Variants in SLC38A6 observed in about 807,000 individuals in gnomAD.
The protein encoded by SLC38A6 is solute carrier family 38 member 6.
In SLC38A6, 73 loss-of-function variants were observed where a neutral mutation model predicts 65.0. That is an observed-to-expected ratio of 1.12 (90% CI 0.93 to 1.37). The LOEUF (loss-of-function observed/expected upper bound fraction) is 1.37, where lower values mean the gene tolerates loss of function less well. Among genes scored for constraint, SLC38A6 ranks in the 40% most tolerant of loss-of-function variants. The pLI is 0.00. For missense variants in SLC38A6, 561 were observed against 531.1 expected, an observed-to-expected ratio of 1.06 and a Z score of -0.55; for synonymous variants, 183 against 178.8, an observed-to-expected ratio of 1.02 and a Z score of -0.19.
At position 61,065,353 on chromosome 14, in the gene SLC38A6, T is replaced by G. The variant is rs558376822; in HGVS notation, c.1290+13218T>G. On this transcript the variant is annotated intron_variant, in intron 15 of 16. Transcript: ENST00000354886. ...TTTAAACTTCAGCTTAGTATACTGG[T>G]AAATCCATCAGTGGAAAAGCAGAAA... Among the ~76,000 whole-genome samples, 4 of 152,334 alleles carry G rather than the reference T, an allele frequency of 2.6e-5. No individual in the cohort carries two copies. The East Asian group carries it at 7.7e-4, about 29-fold the overall frequency.
chr14:61,023,121 T>G (rs1476107528), intron 5 of SLC38A6, among the ~76,000 whole-genome samples: 3 of 152,094 alleles, frequency 2.0e-5, no homozygotes, highest in African/African-American at 7.2e-5. Context: ...AAGCCTAAGA[T>G]TTTGCCTCAA....
chr14:60,984,927 C>T (rs951576777), intron 3 of SLC38A6, 124 bp downstream of exon 3: 4 of 900,074 alleles, frequency 4.4e-6, no homozygotes, highest in African/African-American at 1.7e-5. Flanking sequence ...ATAGGGTGAT[C>T]GGAATGGAGA....
intron 3 of SLC38A6, among the ~76,000 whole-genome samples, chr14:61,014,204 G>T (rs984034279): frequency 6.6e-6 from 1 of 152,100 alleles, no homozygotes; most frequent in Non-Finnish European, 1.5e-5. Flanking sequence ...CATTCATCAC[G>T]TAGTTCTCGT....
At chr14:61,067,251 A>C (rs2043050524) in intron 15 of SLC38A6, among the ~76,000 whole-genome samples, 1 of 152,154 alleles carries the variant, frequency 6.6e-6, no homozygotes, top group South Asian at 2.1e-4. Context: ...TTTTCTCTCA[A>C]CCAGAGGAAA....
chr14:61,074,992 T>C (rs1397051183), intron 15 of SLC38A6, among the ~76,000 whole-genome samples: 1 of 152,166 alleles, frequency 6.6e-6, no homozygotes, highest in Admixed American at 6.5e-5. Context: ...TATGTGAATT[T>C]CACCTCAATC....
rs187820954 is a variant in SLC38A6, at chr14:61,005,202, A to G, written c.311-10702A>G. On this transcript the variant is annotated intron_variant, in intron 3 of 15. Transcript: ENST00000267488. ...TATCTCCAAATTAGAAGAGCTATCT[A>G]TGACAAACCCACAGCCAATATCATA... Among the ~76,000 whole-genome samples, 8 of 152,264 alleles carry G rather than the reference A, an allele frequency of 5.3e-5. No homozygotes were observed. In the East Asian group the frequency reaches 1.3e-3, roughly 26 times the overall value.
intron 3 of SLC38A6, among the ~76,000 whole-genome samples, chr14:60,989,054 G>A (rs373792990): frequency 2.0e-5 from 3 of 152,044 alleles, no homozygotes; most frequent in South Asian, 2.1e-4. Flanking sequence ...TCAAACCTTC[G>A]ACACTTTTTT....
chr14:61,049,434 A>G (rs1284569519), intron 12 of SLC38A6, among the ~76,000 whole-genome samples: 1 of 152,118 alleles, frequency 6.6e-6, no homozygotes, highest in East Asian at 1.9e-4. Context: ...GACTCATGTA[A>G]TGTTCTCAGT....
At chr14:61,049,091 C>T (rs138434181) in intron 12 of SLC38A6, among the ~76,000 whole-genome samples, 1 of 152,238 alleles carries the variant, frequency 6.6e-6, no homozygotes, top group African/African-American at 2.4e-5. Context: ...CTTTACCTCT[C>T]AGTGATTGTA....
At chr14:61,031,773 A>G (rs1428311860) in intron 6 of SLC38A6, among the ~76,000 whole-genome samples, 1 of 151,934 alleles carries the variant, frequency 6.6e-6, no homozygotes, top group Non-Finnish European at 1.5e-5. Context: ...CTCAAATTCT[A>G]TGTGAGAAAT....
intron 14 of SLC38A6, 40 bp downstream of exon 14, chr14:61,051,971 A>G: frequency 1.2e-6 from 2 of 1,602,402 alleles, no homozygotes; most frequent in Non-Finnish European, 1.7e-6. Context: ...AATAAAATTG[A>G]TAAAATTGCT....
At chr14:61,029,880 A>G (rs1433663111) in intron 5 of SLC38A6, among the ~76,000 whole-genome samples, 4 of 152,144 alleles carry the variant, frequency 2.6e-5, no homozygotes, top group Non-Finnish European at 5.9e-5. Flanking sequence ...GTAATTCATT[A>G]TGTATTCTTT....
intron 15 of SLC38A6, among the ~76,000 whole-genome samples, chr14:61,072,518 C>G (rs1456269294): frequency 1.3e-5 from 2 of 152,146 alleles, no homozygotes; most frequent in Admixed American, 6.5e-5. Context: ...TCACCCTGCC[C>G]CTACTACCCC....
chr14:61,039,062 C>G lies in SLC38A6; in HGVS notation c.624+1379C>G, dbSNP rs1011276713. On this transcript the variant is annotated intron_variant, in intron 8 of 15. Transcript: ENST00000267488. ...TTTCTCTCACAGATAATTGGCAATGCAATCATTGCATAGATAGGAGTAATT... is the reference window on the plus strand; with the variant it reads ...TTTCTCTCACAGATAATTGGCAATGGAATCATTGCATAGATAGGAGTAATT... Among the ~76,000 whole-genome samples, 7 of 152,152 alleles carry G rather than the reference C, an allele frequency of 4.6e-5. 1 individual carries two copies. Among genetic ancestry groups the G allele is most frequent in the Admixed American group, 2.0e-4 (3 of 15,280 alleles).
chr14:61,068,406 C>T (rs2043104583), intron 15 of SLC38A6, among the ~76,000 whole-genome samples: 1 of 152,140 alleles, frequency 6.6e-6, no homozygotes, highest in African/African-American at 2.4e-5. Flanking sequence ...CATGCCATGG[C>T]CTACAAGGCT....
intron 2 of SLC38A6, among the ~76,000 whole-genome samples, chr14:60,983,387 A>T (rs903960522): frequency 2.0e-5 from 3 of 152,160 alleles, no homozygotes; most frequent in Non-Finnish European, 4.4e-5. Context: ...GCTACTTGGG[A>T]GGACTGCTTG....
chr14:61,062,466 A>C (rs1403485953), intron 15 of SLC38A6, among the ~76,000 whole-genome samples: 1 of 150,562 alleles, frequency 6.6e-6, no homozygotes, highest in Non-Finnish European at 1.5e-5. Context: ...TTTCTTTGGT[A>C]AAGTATCTGT....
chr14:61,015,107 G>A (rs1210914586), intron 3 of SLC38A6, among the ~76,000 whole-genome samples: 1 of 152,200 alleles, frequency 6.6e-6, no homozygotes, highest in Non-Finnish European at 1.5e-5. Flanking sequence ...CAGCCTCGCT[G>A]CAGCCTTGCA....
chr14:61,014,580 G>A (rs1362240750), intron 3 of SLC38A6, among the ~76,000 whole-genome samples: 1 of 152,144 alleles, frequency 6.6e-6, no homozygotes, highest in African/African-American at 2.4e-5. Context: ...TGTCCTTTCT[G>A]TTTGTTAGTT....
Sources: allele counts gnomAD v4.1 joint callset (sites outside exome capture counted in the v4.1 genomes callset), GRCh38; gene constraint gnomAD v4.1.1; transcripts MANE v1.5; gene names NCBI Gene and HGNC (gene_info 2026-07-23, HGNC 2026-07-21).